The following NCOA1 variants were observed in gnomAD, a reference collection of about 807,000 sequenced individuals.
The protein encoded by NCOA1 is Hin-2 protein.
Under a neutral mutation model 150.9 loss-of-function variants are expected in NCOA1, and 35 were observed. The observed-to-expected ratio is 0.23, with a 90% CI of 0.18 to 0.31. The LOEUF is 0.31. NCOA1 is among the 10% of genes least tolerant of loss of function. NCOA1 has a pLI of 1.00. For synonymous variants in NCOA1, 590 were observed against 630.0 expected (o/e 0.94, Z 0.95); for missense variants, 1,491 against 1,749.3 (o/e 0.85, Z 2.63).
At chr2:24,692,631 A>G (rs570234091) in intron 9 of NCOA1, among the ~76,000 whole-genome samples, 2 of 152,318 alleles carry the variant, frequency 1.3e-5, no homozygotes, top group East Asian at 1.9e-4. Flanking sequence ...ACACTGTGCC[A>G]CTTATATCTA....
intron 7 of NCOA1, among the ~76,000 whole-genome samples, chr2:24,677,003 A>G (rs1671941030): frequency 6.6e-6 from 1 of 152,172 alleles, no homozygotes; most frequent in Non-Finnish European, 1.5e-5. Context: ...GGTATCCCTG[A>G]CAAACAGGGA....
intron 18 of NCOA1, among the ~76,000 whole-genome samples, chr2:24,740,367 C>T (rs534717773): frequency 1.3e-5 from 2 of 152,286 alleles, no homozygotes; most frequent in Admixed American, 6.5e-5. Flanking sequence ...CATGGTATAG[C>T]CTACTTAGCA....
intron 3 of NCOA1, among the ~76,000 whole-genome samples, chr2:24,597,188 A>G (rs1397073197): frequency 6.6e-6 from 1 of 152,170 alleles, no homozygotes; most frequent in Non-Finnish European, 1.5e-5. Context: ...TGTTCCCATG[A>G]ATAGTATCCT....
intron 4 of NCOA1, among the ~76,000 whole-genome samples, chr2:24,647,860 G>C (rs1370731988): frequency 1.3e-5 from 2 of 152,156 alleles, no homozygotes; most frequent in African/African-American, 4.8e-5. Context: ...GTACTGTACT[G>C]GGTGACAATT....
intron 4 of NCOA1, among the ~76,000 whole-genome samples, chr2:24,650,566 C>G (rs1670668685): frequency 6.6e-6 from 1 of 152,078 alleles, no homozygotes; most frequent in African/African-American, 2.4e-5. Flanking sequence ...ACTCTTATGA[C>G]TCAATAAAAA....
chr2:24,594,731 A>G (rs1165393190), intron 3 of NCOA1, among the ~76,000 whole-genome samples: 2 of 152,104 alleles, frequency 1.3e-5, no homozygotes, highest in African/African-American at 2.4e-5. Flanking sequence ...TTCCTGATAC[A>G]GTTGAAAGCA....
At chr2:24,601,688 A>G (rs761760210) in intron 3 of NCOA1, among the ~76,000 whole-genome samples, 4 of 150,572 alleles carry the variant, frequency 2.7e-5, no homozygotes, top group Non-Finnish European at 5.9e-5. Flanking sequence ...GCTAGAGTAC[A>G]GTGGCGTGAT....
intron 8 of NCOA1, among the ~76,000 whole-genome samples, chr2:24,686,302 C>T (rs1167620517): frequency 6.6e-6 from 1 of 152,128 alleles, no homozygotes; most frequent in Non-Finnish European, 1.5e-5. Context: ...CACGCCTGAC[C>T]CTGTTCTTCT....
intron 22 of NCOA1, among the ~76,000 whole-genome samples, chr2:24,766,327 A>T (rs1325025692): frequency 6.6e-6 from 1 of 152,240 alleles, no homozygotes; most frequent in Admixed American, 6.5e-5. Context: ...CCAATATTTC[A>T]TATGTAGAAA....
Position 24,674,015 on chromosome 2 carries a change from A to G in NCOA1, c.354+552A>G, listed in dbSNP as rs183707761. On this transcript the variant is annotated intron_variant, in intron 7 of 22. Coordinates refer to ENST00000348332, the MANE Select transcript of NCOA1 (RefSeq NM_003743.5). ...TGTAATTTTCACCCCTGCATTTTCT[A>G]TCTAATCTTTACTCCCTGCATTCTC... 1.4e-4 allele frequency among the ~76,000 whole-genome samples: 21 copies of G among 145,490 alleles called. No individual in the cohort carries two copies. In the Admixed American group the frequency reaches 1.6e-3, roughly 11 times the overall value.
chr2:24,739,001 C>T (rs1225396936), intron 17 of NCOA1, among the ~76,000 whole-genome samples: 1 of 152,124 alleles, frequency 6.6e-6, no homozygotes, highest in Admixed American at 6.6e-5. Context: ...CTCAACTTTC[C>T]CTTCATCTTC....
chr2:24,576,196 G>A (rs1172630486), intron 2 of NCOA1, among the ~76,000 whole-genome samples: 9 of 44,828 alleles, frequency 2.0e-4, no homozygotes, highest in Non-Finnish European at 1.7e-4. Context: ...TTTTTTGTTT[G>A]CTAGTCCTTT....
intron 4 of NCOA1, among the ~76,000 whole-genome samples, chr2:24,656,126 A>T (rs1411831213): frequency 6.6e-6 from 1 of 151,594 alleles, no homozygotes; most frequent in Non-Finnish European, 1.5e-5. Context: ...GTAAAAACTG[A>T]CATTTGCTTG....
chr2:24,759,984 A>G (rs1660885175), intron 21 of NCOA1, among the ~76,000 whole-genome samples: 1 of 151,760 alleles, frequency 6.6e-6, no homozygotes, highest in Non-Finnish European at 1.5e-5. Flanking sequence ...TTAATTATAA[A>G]CTATAATTGA....
At chr2:24,656,362 A>G (rs909418166) in intron 4 of NCOA1, among the ~76,000 whole-genome samples, 1 of 152,104 alleles carries the variant, frequency 6.6e-6, no homozygotes, top group Admixed American at 6.5e-5. Context: ...ATAATAATTG[A>G]ACATATTTAT....
chr2:24,569,869 GA>G (rs1304456502), intron 2 of NCOA1, among the ~76,000 whole-genome samples: 40 of 118,268 alleles, frequency 3.4e-4, no homozygotes, highest in South Asian at 2.4e-3. Flanking sequence ...TACTCCGTCT[GA>G]AAAAAAAAAA....
At chr2:24,754,109 T>A (rs1490670081) in intron 20 of NCOA1, among the ~76,000 whole-genome samples, 1 of 152,114 alleles carries the variant, frequency 6.6e-6, no homozygotes, top group South Asian at 2.1e-4. Flanking sequence ...ACCTCTCTCT[T>A]CTTACCTATT....
At chr2:24,497,692 G>T (rs191067055) in intron 1 of NCOA1, among the ~76,000 whole-genome samples, 4 of 151,946 alleles carry the variant, frequency 2.6e-5, no homozygotes, top group Non-Finnish European at 5.9e-5. Flanking sequence ...AAAGATTCTT[G>T]TGCTGTTTCT....
chr2:24,598,474 A>G (rs1230385742), intron 3 of NCOA1, among the ~76,000 whole-genome samples: 2 of 152,208 alleles, frequency 1.3e-5, no homozygotes, highest in Admixed American at 1.3e-4. Flanking sequence ...AGGAGAAATG[A>G]TCAGAATTTA....
Sources: allele counts gnomAD v4.1 joint callset (sites outside exome capture counted in the v4.1 genomes callset), GRCh38; gene constraint gnomAD v4.1.1; transcripts MANE v1.5; gene names NCBI Gene and HGNC (gene_info 2026-07-23, HGNC 2026-07-21).